FLI1: variants seen among roughly 807,000 people sequenced by gnomAD.
FLI1 encodes Fli-1 proto-oncogene, ETS transcription factor.
FLI1 carries 13 observed loss-of-function variants against 53.1 expected under a neutral mutation model. The observed-to-expected ratio is 0.24, with a 90% CI of 0.16 to 0.39. The LOEUF (loss-of-function observed/expected upper bound fraction) is 0.39, where lower values mean the gene tolerates loss of function less well. Ranked by LOEUF, FLI1 falls within the 10% of genes least tolerant of loss-of-function variation. The probability of loss-of-function intolerance (pLI) is 1.00; values close to 1 mark genes in which losing one functional copy is unlikely to be tolerated. For synonymous variants in FLI1, 244 were observed against 236.7 expected (o/e 1.03, Z -0.28); for missense variants, 424 against 600.5 (o/e 0.71, Z 3.07).
chr11:128,753,660 T>C (rs1940741227), intron 1 of FLI1, among the ~76,000 whole-genome samples: 1 of 152,246 alleles, frequency 6.6e-6, no homozygotes, highest in African/African-American at 2.4e-5. Flanking sequence ...AAGAGCTTTA[T>C]AAGACACACA....
chr11:128,685,554 CAA>C (rs111642677), upstream of FLI1, among the ~76,000 whole-genome samples: 109 of 143,004 alleles, frequency 7.6e-4, 1 homozygote, highest in Middle Eastern at 0.021. Context: ...CTTCGACTTT[CAA>C]AAAAAAAAAT....
intron 1 of FLI1, among the ~76,000 whole-genome samples, chr11:128,741,421 G>A (rs770496141): frequency 6.6e-6 from 1 of 152,124 alleles, no homozygotes; most frequent in Non-Finnish European, 1.5e-5. Context: ...AATAAAATAA[G>A]ACACAGTCAT....
intron 5 of FLI1, among the ~76,000 whole-genome samples, chr11:128,786,021 T>C (rs972991322): frequency 6.6e-6 from 1 of 152,220 alleles, no homozygotes; most frequent in Non-Finnish European, 1.5e-5. Context: ...ACTAAAATTT[T>C]GTAAATGCAA....
chr11:128,773,604 C>T (rs1419449327), intron 4 of FLI1, among the ~76,000 whole-genome samples: 1 of 149,134 alleles, frequency 6.7e-6, no homozygotes, highest in Non-Finnish European at 1.5e-5. Context: ...AGAAAGCAGG[C>T]AGTTGTCCAA....
intron 5 of FLI1, among the ~76,000 whole-genome samples, chr11:128,801,565 G>A (rs534771207): frequency 6.6e-6 from 1 of 152,216 alleles, no homozygotes; most frequent in Non-Finnish European, 1.5e-5. Flanking sequence ...TAGGTGGATT[G>A]TGGTCCACTC....
chr11:128,702,918 G>T (rs971595766), intron 1 of FLI1, among the ~76,000 whole-genome samples: 3 of 148,250 alleles, frequency 2.0e-5, no homozygotes, highest in Non-Finnish European at 4.5e-5. Context: ...AAAACTAAAT[G>T]AGAAACGGAG....
At chr11:128,744,972 C>A (rs1235750929) in intron 1 of FLI1, among the ~76,000 whole-genome samples, 1 of 152,168 alleles carries the variant, frequency 6.6e-6, no homozygotes, top group Non-Finnish European at 1.5e-5. Flanking sequence ...AGCAGGGAGA[C>A]TTCCTGGAGG....
At chr11:128,713,022 T>G (rs1426760816) in intron 1 of FLI1, among the ~76,000 whole-genome samples, 1 of 152,204 alleles carries the variant, frequency 6.6e-6, no homozygotes, top group African/African-American at 2.4e-5. Context: ...AGCTTTTTCT[T>G]TGGAAGTCTT....
upstream of FLI1, among the ~76,000 whole-genome samples, chr11:128,690,303 GCA>G (rs1347750325): frequency 4.1e-4 from 62 of 152,204 alleles, 1 homozygote; most frequent in Middle Eastern, 3.4e-3. Flanking sequence ...GACCAGAGGG[GCA>G]TGGGAGGGGA....
intron 2 of FLI1, among the ~76,000 whole-genome samples, chr11:128,759,472 C>A (rs117894953): frequency 6.6e-6 from 1 of 152,198 alleles, no homozygotes; most frequent in East Asian, 1.9e-4. Context: ...GTAAAATATC[C>A]CAGATAGGAA....
intron 5 of FLI1, among the ~76,000 whole-genome samples, chr11:128,785,965 G>T (rs953152265): frequency 1.3e-5 from 2 of 152,138 alleles, no homozygotes; most frequent in African/African-American, 2.4e-5. Context: ...CCACTAAATT[G>T]TACACTTAAA....
rs1257162242 is a variant in FLI1, at chr11:128,757,068, C to CTTTCTTT, written c.19-1046_19-1040dup. On this transcript the variant is annotated intron_variant, in intron 1 of 8. Coordinates refer to ENST00000527786, the MANE Select transcript of FLI1 (RefSeq NM_002017.5). ...TTTTTCTTTCTTTCTTTCTTTCTTT[C>CTTTCTTT]TTTCTTTCTTTCTTTCTTTCTTTCT... Among the ~76,000 whole-genome samples the CTTTCTTT allele has an allele frequency of 1.1e-3, 154 of 143,894 alleles. 2 individuals carry two copies. The highest frequency in any genetic ancestry group is 4.0e-3 in the African/African-American group (147 of 36,688). The allele number at this position is 143,894 out of a possible 152,430, so 94.4% of individuals were successfully genotyped here.
At chr11:128,776,388 A>C (rs577502157) in intron 4 of FLI1, among the ~76,000 whole-genome samples, 2 of 152,306 alleles carry the variant, frequency 1.3e-5, no homozygotes, top group Admixed American at 1.3e-4. Context: ...CAGGGTTTAC[A>C]CCTGTCAATC....
chr11:128,799,340 C>T (rs1191070169), intron 5 of FLI1, among the ~76,000 whole-genome samples: 1 of 152,130 alleles, frequency 6.6e-6, no homozygotes, highest in Non-Finnish European at 1.5e-5. Context: ...TTGGTAATCT[C>T]ATCTCACCAA....
chr11:128,775,410 G>A (rs973779465), intron 4 of FLI1, among the ~76,000 whole-genome samples: 2 of 151,774 alleles, frequency 1.3e-5, no homozygotes, highest in Non-Finnish European at 2.9e-5. Context: ...TCCTTTTGAG[G>A]AACCTAGACT....
At chr11:128,767,538 A>G (rs1202528471) in intron 2 of FLI1, among the ~76,000 whole-genome samples, 1 of 152,236 alleles carries the variant, frequency 6.6e-6, no homozygotes, top group Non-Finnish European at 1.5e-5. Context: ...CGAATACAAC[A>G]GTGCATAAGA....
At chr11:128,713,708 G>T (rs1938888053) in intron 1 of FLI1, among the ~76,000 whole-genome samples, 1 of 152,084 alleles carries the variant, frequency 6.6e-6, no homozygotes, top group African/African-American at 2.4e-5. Flanking sequence ...GGCACAACGT[G>T]GGGACCTAAC....
At chr11:128,732,899 A>G (rs1309461593) in intron 1 of FLI1, among the ~76,000 whole-genome samples, 1 of 152,214 alleles carries the variant, frequency 6.6e-6, no homozygotes, top group Non-Finnish European at 1.5e-5. Context: ...GAAAAATCAG[A>G]TCTAGAGAAG....
intron 2 of FLI1, among the ~76,000 whole-genome samples, chr11:128,766,463 G>A (rs894332864): frequency 6.6e-6 from 1 of 152,116 alleles, no homozygotes; most frequent in African/African-American, 2.4e-5. Context: ...CCCTCTGTAA[G>A]ACATCAGGAA....
Sources: allele counts gnomAD v4.1 joint callset (sites outside exome capture counted in the v4.1 genomes callset), GRCh38; gene constraint gnomAD v4.1.1; transcripts MANE v1.5; gene names NCBI Gene and HGNC (gene_info 2026-07-23, HGNC 2026-07-21).